CNTROB: variants seen among roughly 807,000 people sequenced by gnomAD.
The protein encoded by CNTROB is centrobin, centriole duplication and spindle assembly protein.
A neutral mutation model predicts 115.7 loss-of-function variants in CNTROB; 82 were observed. That is an observed-to-expected ratio of 0.71 (90% CI 0.59 to 0.85). The LOEUF is 0.85. Ranked by LOEUF, CNTROB falls within the 40% of genes least tolerant of loss-of-function variation. The probability of loss-of-function intolerance (pLI) is 0.00; values close to 1 mark genes in which losing one functional copy is unlikely to be tolerated. For missense variants in CNTROB, 1,014 were observed against 1,144.4 expected (o/e 0.89, Z 1.64); for synonymous variants, 439 against 456.4 (o/e 0.96, Z 0.49).
In CNTROB at chr17:7,943,409, C is replaced by T. The variant is rs775282342; in HGVS notation, c.1330C>T (p.Arg444Trp). The T allele has an allele frequency of 3.1e-6, 5 of 1,612,794 alleles. No homozygotes were observed. Among genetic ancestry groups the T allele is most frequent in the Non-Finnish European group, 3.4e-6 (4 of 1,179,098 alleles). The change falls in exon 10 of 19, where the codon CGG becomes TGG. Residue 444 changes from arginine (R) to tryptophan (W), a missense_variant. Transcript: ENST00000563694. The surrounding 1 kb of genome is among the most constrained non-coding windows in gnomAD (Gnocchi z 4.7). Reference protein sequence around the residue: ...SLVQARYESQRIQLESELAVQ... With the variant: ...SLVQARYESQWIQLESELAVQ... ...ACTCCAGGCCCGGTATGAAAGCCAG[C>T]GGATCCAGCTGGAGTCGGAGCTGGC... is the stretch of plus-strand genomic sequence containing the variant.
At position 7,934,538 on chromosome 17, in the gene CNTROB, C is replaced by T. The variant is rs770580132; in HGVS notation, c.429C>T (p.Thr143=). 8.1e-6 allele frequency: 13 copies of T among 1,613,660 alleles called. No homozygotes were observed. Among genetic ancestry groups the T allele is most frequent in the Non-Finnish European group, 1.0e-5 (12 of 1,179,528 alleles). The change falls in exon 3 of 19, where the codon ACC becomes ACT. Residue 143 remains threonine (T), a synonymous_variant. Transcript: ENST00000563694. ...EDSFDSDSTA[T]LLNTRPLQDL... ...CCTTTGACAGTGATAGCACAGCCAC[C>T]TTGCTCAAGTGAGTTCTCCTTGTGG...
intron 9 of CNTROB, among the ~76,000 whole-genome samples, chr17:7,941,513 C>T (rs1020580150): frequency 6.7e-6 from 1 of 150,050 alleles, no homozygotes; most frequent in Non-Finnish European, 1.5e-5. Flanking sequence ...GCAGGAGAAT[C>T]GCTTGAACCC....
chr17:7,942,787 ATTTTTTTTTTTTTTTTTTT>A (rs71159534), intron 9 of CNTROB, among the ~76,000 whole-genome samples: 12 of 35,788 alleles, frequency 3.4e-4, no homozygotes, highest in Non-Finnish European at 5.0e-4. Flanking sequence ...TACTCAGGGT[ATTTTTTTTTTTTTTTTTTT>A]TTTTTTTTTT....
In CNTROB at chr17:7,935,239, C is replaced by T. The variant is rs376528364; in HGVS notation, c.594+94C>T. 85 of 1,581,058 alleles carry T rather than the reference C, an allele frequency of 5.4e-5. 1 individual carries two copies. In the African/African-American group the frequency reaches 6.9e-4, roughly 13 times the overall value. On this transcript the variant is annotated intron_variant, in intron 4 of 18. Transcript: ENST00000563694. ...GCTGAGGGGGCCTGGCGTGGTGGCT[C>T]ACGCCTGTAATCACAGCACTTTGGG...
chr17:7,933,947 G>A (rs1972837913), intron 1 of CNTROB, among the ~76,000 whole-genome samples, 191 bp from the exon 2 acceptor site: 1 of 152,080 alleles, frequency 6.6e-6, no homozygotes, highest in African/African-American at 2.4e-5. Context: ...ATACCTCCTC[G>A]ATTATTTTAT....
Position 7,945,790 on chromosome 17 carries a change from C to G in CNTROB, c.1797C>G (p.Val599=), listed in dbSNP as rs371581569. 9.4e-5 allele frequency: 152 copies of G among 1,614,074 alleles called. No individual in the cohort carries two copies. The highest frequency in any genetic ancestry group is 1.2e-4 in the Non-Finnish European group (146 of 1,180,016). ...PQEPEKEERR[V]WTMPPMAVAL... ...AGCCCGAGAAGGAGGAGAGGAGGGT[C>G]TGGACTATGCCTCCCATGGCCGTGG... The change falls in exon 13 of 19, where the codon GTC becomes GTG. Residue 599 remains valine, a synonymous_variant. Transcript: ENST00000563694.
rs576132372 is a variant in CNTROB, at chr17:7,947,085, C to T, written c.1994-486C>T. Among the ~76,000 whole-genome samples the T allele has an allele frequency of 1.1e-4, 16 of 150,430 alleles. No homozygotes were observed. In the East Asian group the frequency reaches 2.9e-3, roughly 28 times the overall value. ...CTGAGGCAGGAGAATGGTGTGAACC[C>T]GGGAGGCGGAGCTTGCAGTGAGCCG... is the stretch of plus-strand genomic sequence containing the variant. On this transcript the variant is annotated intron_variant, in intron 13 of 18. Coordinates refer to ENST00000563694, the MANE Select transcript of CNTROB (RefSeq NM_053051.5).
chr17:7,947,486 C>T, intron 13 of CNTROB, 85 bp from the exon 14 acceptor site: 1 of 1,297,996 alleles, frequency 7.7e-7, no homozygotes, highest in East Asian at 2.5e-5. Flanking sequence ...CCCCTTTCTT[C>T]TGAGTATTAG....
chr17:7,934,358 G>C (rs763583962), intron 2 of CNTROB, 107 bp from the exon 3 acceptor site: 13 of 1,319,948 alleles, frequency 9.8e-6, no homozygotes, highest in Non-Finnish European at 1.2e-5. Flanking sequence ...TTTGGGAGAG[G>C]GGGTGAAGGA....
At chr17:7,947,784 GCT>G (rs1974730398) in intron 14 of CNTROB, 62 bp downstream of exon 14, 2 of 1,601,190 alleles carry the variant, frequency 1.2e-6, no homozygotes, top group Non-Finnish European at 1.7e-6. Context: ...TCCTCTTTCT[GCT>G]CTGGGAATCC....
Position 7,939,856 on chromosome 17 carries a change from G to T in CNTROB, c.1164+107G>T. 1 of 1,179,884 alleles carries T rather than the reference G, an allele frequency of 8.5e-7. No individual in the cohort carries two copies. The allele number at this position is 1,179,884 out of a possible 1,614,324, so 73.1% of individuals were successfully genotyped here. A position where few individuals can be genotyped will look rare whatever the true frequency, so the allele number is the denominator to read the frequency against. ...ATGGGGGATACATATAGGCAGGAAT[G>T]GAGAGTAGAGAGCCATGTGTGGGAG... On this transcript the variant is annotated intron_variant, in intron 8 of 18. Coordinates refer to ENST00000563694, the MANE Select transcript of CNTROB (RefSeq NM_053051.5). The surrounding 1 kb of genome is among the most constrained non-coding windows in gnomAD (Gnocchi z 4.4).
At position 7,944,504 on chromosome 17, in the gene CNTROB, G is replaced by A. The variant is rs772562149; in HGVS notation, c.1600G>A (p.Glu534Lys). Residue 534 changes from glutamate (E) to lysine (K), a missense_variant, in exon 12 of 19, where the codon GAA (glutamate) becomes AAA (lysine). Glu to Lys is a moderately conservative substitution (Grantham distance 56, BLOSUM62 1). Coordinates refer to ENST00000563694, the MANE Select transcript of CNTROB (RefSeq NM_053051.5). The surrounding 1 kb of genome is among the most constrained non-coding windows in gnomAD (Gnocchi z 4.0). ...RLAREQARVC[E>K]LQSGNQQLEE... ...GGCCCGGGAGCAAGCGCGAGTGTGC[G>A]AACTGCAGAGTGGGAACCAGCAGCT... 29 of 1,613,842 alleles carry A rather than the reference G, an allele frequency of 1.8e-5. No homozygotes were observed. In the Middle Eastern group the frequency reaches 4.9e-4, roughly 27 times the overall value.
Position 7,939,546 on chromosome 17 carries a change from G to C in CNTROB, c.961G>C (p.Glu321Gln). 1.2e-6 allele frequency: 2 copies of C among 1,614,172 alleles called. No individual in the cohort carries two copies. The highest frequency in any genetic ancestry group is 1.7e-6 in the Non-Finnish European group (2 of 1,180,020). The part of the protein sequence containing the change: ...EERQALTLRL[E>Q]AEQQRCCVLQ... ...AAGGCAAGCTCTGACTCTGAGGTTG[G>C]AGGCAGAACAGCAGCGGTGCTGTGT... Residue 321 changes from glutamate (E) to glutamine (Q), a missense_variant, in exon 8 of 19, where the codon GAG becomes CAG. Transcript: ENST00000563694. The surrounding 1 kb of genome is among the most constrained non-coding windows in gnomAD (Gnocchi z 4.4).
chr17:7,937,850 A>G (rs1221989431), intron 7 of CNTROB, among the ~76,000 whole-genome samples: 1 of 152,080 alleles, frequency 6.6e-6, no homozygotes, highest in Non-Finnish European at 1.5e-5. Context: ...TCTGGGACTC[A>G]CCTGCAGAGG....
Position 7,943,041 on chromosome 17 carries a change from T to A in CNTROB, c.1312-350T>A, listed in dbSNP as rs1455775104. On this transcript the variant is annotated intron_variant, in intron 9 of 18. Transcript: ENST00000563694. This position sits in a 1 kb window ranked among gnomAD's most constrained non-coding sequence, Gnocchi z 4.7. ...TGGTCTCGATCTCCTGACCTCGTGA[T>A]CCGCCCGTCTCGGCCTCCCAAAGTG... Among the ~76,000 whole-genome samples, 1 of 151,826 alleles carries A rather than the reference T, an allele frequency of 6.6e-6. No individual in the cohort carries two copies. The highest frequency in any genetic ancestry group is 2.4e-5 in the African/African-American group (1 of 41,300).
In CNTROB at chr17:7,936,811, G is replaced by T. The variant is rs1395678512; in HGVS notation, c.822G>T (p.Gln274His). The T allele has an allele frequency of 7.7e-7, 1 of 1,306,736 alleles. No homozygotes were observed. Among genetic ancestry groups the T allele is most frequent in the Non-Finnish European group, 1.1e-6 (1 of 899,138 alleles). The allele number at this position is 1,306,736 out of a possible 1,614,324, so 80.9% of individuals were successfully genotyped here. A position where few individuals can be genotyped will look rare whatever the true frequency, so the allele number is the denominator to read the frequency against. The change falls in exon 6 of 19, where the codon CAG becomes CAT. Residue 274 changes from glutamine (Q) to histidine (H), a missense_variant. Coordinates refer to ENST00000563694, the MANE Select transcript of CNTROB (RefSeq NM_053051.5). ...CAGCAGAGCTCACCAGAAGCAAGCAGCAGGAGGTGAGCGCCCTGGAGCATA... is the reference window on the plus strand; with the variant it reads ...CAGCAGAGCTCACCAGAAGCAAGCATCAGGAGGTGAGCGCCCTGGAGCATA... ...HQAAELTRSKQQETVTRLEQS... is the reference protein window; with the variant it reads ...HQAAELTRSKHQETVTRLEQS...
chr17:7,933,245 C>T lies in CNTROB; in HGVS notation c.166C>T (p.Leu56=). 1 of 1,614,252 alleles carries T rather than the reference C, an allele frequency of 6.2e-7. No individual in the cohort carries two copies. Among genetic ancestry groups the T allele is most frequent in the Non-Finnish European group, 8.5e-7 (1 of 1,180,050 alleles). The change falls in exon 1 of 19, where the codon CTG becomes TTG. Residue 56 remains leucine, a synonymous_variant. Coordinates refer to ENST00000563694, the MANE Select transcript of CNTROB (RefSeq NM_053051.5). The part of the protein sequence containing the change: ...RQAEATARAQ[L]YLPSTSPPHE... ...GGCGGAGGCCACGGCCCGAGCCCAG[C>T]TGTATTTACCCTCCACCTCCCCGCC...
intron 7 of CNTROB, among the ~76,000 whole-genome samples, chr17:7,937,613 C>T (rs1337147338): frequency 6.6e-6 from 1 of 151,984 alleles, no homozygotes; most frequent in Admixed American, 6.6e-5. Flanking sequence ...ACCAGCCTGG[C>T]CAGCATGGTG....
In CNTROB at chr17:7,932,807, C is replaced by T. The variant is rs1972663485; in HGVS notation, c.-273C>T. 1 of 429,842 alleles carries T rather than the reference C, an allele frequency of 2.3e-6. No homozygotes were observed. Among genetic ancestry groups the T allele is most frequent in the Non-Finnish European group, 4.1e-6 (1 of 241,696 alleles). The allele number at this position is 429,842 out of a possible 1,614,324, so 26.6% of individuals were successfully genotyped here. A position where few individuals can be genotyped will look rare whatever the true frequency, so the allele number is the denominator to read the frequency against. ...GCAGCGCTGTTGTCCCACAGTAGGTCTTCTGTCCGCACCCGCTCTGCGCTG... is the reference window on the plus strand; with the variant it reads ...GCAGCGCTGTTGTCCCACAGTAGGTTTTCTGTCCGCACCCGCTCTGCGCTG... On this transcript the variant is annotated 5_prime_UTR_variant, in exon 1 of 19. Transcript: ENST00000563694.
Sources: allele counts gnomAD v4.1 joint callset (sites outside exome capture counted in the v4.1 genomes callset), GRCh38; gene constraint gnomAD v4.1.1; non-coding constraint Gnocchi (gnomAD v3.1); transcripts MANE v1.5; gene names NCBI Gene and HGNC (gene_info 2026-07-23, HGNC 2026-07-21).